CNTNAP2: variants seen among roughly 807,000 people sequenced by gnomAD.
CNTNAP2 encodes contactin associated protein 2.
In CNTNAP2, 98 loss-of-function variants were observed where a neutral mutation model predicts 155.2. The ratio of observed to expected loss-of-function variants is 0.63; its 90% confidence interval spans 0.54 to 0.75. The LOEUF is 0.75. Ranked by LOEUF, CNTNAP2 falls within the 30% of genes least tolerant of loss-of-function variation. The pLI is 0.00. For synonymous variants in CNTNAP2, 651 were observed against 631.2 expected, an observed-to-expected ratio of 1.03 and a Z score of -0.47; for missense variants, 1,727 against 1,688.1, an observed-to-expected ratio of 1.02 and a Z score of -0.40.
intron 4 of CNTNAP2, chr7:147,080,937 A>G (rs552894304): frequency 6.6e-6 from 1 of 152,146 alleles, no homozygotes; most frequent in East Asian, 1.9e-4. Flanking sequence ...TGTAAAATTC[A>G]CACATAATAT....
chr7:147,560,168 CAAAAA>C lies in CNTNAP2; in HGVS notation c.1778-1951_1778-1947del, dbSNP rs71183016. Among the ~76,000 whole-genome samples, 24 of 52,822 alleles carry C rather than the reference CAAAAA, an allele frequency of 4.5e-4. 2 individuals carry two copies. The East Asian group carries it at 0.012, about 25-fold the overall frequency. 34.7% of individuals were successfully genotyped at this position (52,822 alleles called of 152,430 possible). On this transcript the variant is annotated intron_variant, in intron 11 of 23. Transcript: ENST00000361727. ...GGGCAACAAGAACGAAACTCCGTCT[CAAAAA>C]AAAAAAAAAAAAAAAAAATTGAATC...
intron 3 of CNTNAP2, among the ~76,000 whole-genome samples, chr7:146,965,955 G>A (rs781250526): frequency 6.6e-6 from 1 of 152,150 alleles, no homozygotes; most frequent in South Asian, 2.1e-4. Context: ...TTGTTCAGAG[G>A]TAACCCTTGG....
intron 4 of CNTNAP2, among the ~76,000 whole-genome samples, chr7:147,048,930 A>G (rs1247238676): frequency 2.0e-5 from 3 of 152,212 alleles, no homozygotes; most frequent in Non-Finnish European, 4.4e-5. Flanking sequence ...TCAATAATGT[A>G]ATAACCAGTC....
At chr7:148,120,752 C>T (rs925047069) in intron 16 of CNTNAP2, among the ~76,000 whole-genome samples, 19 of 152,096 alleles carry the variant, frequency 1.2e-4, no homozygotes, top group African/African-American at 4.3e-4. Flanking sequence ...GACCCAGATT[C>T]GAGCCTCTAA....
rs145259113 is a variant in CNTNAP2, at chr7:147,506,779, T to C, written c.1777+20738T>C. Among the ~76,000 whole-genome samples the C allele has an allele frequency of 6.5e-3, 996 of 152,328 alleles. 5 individuals are homozygous for C. Among genetic ancestry groups the C allele is most frequent in the South Asian group, 0.014 (67 of 4,826 alleles). ...ACTGTCTGGTTTTCCACACTAGCTATAACAAAAACACACTTGTTAGACCAA... is the reference window on the plus strand; with the variant it reads ...ACTGTCTGGTTTTCCACACTAGCTACAACAAAAACACACTTGTTAGACCAA... On this transcript the variant is annotated intron_variant, in intron 11 of 23. Transcript: ENST00000361727.
intron 21 of CNTNAP2, among the ~76,000 whole-genome samples, chr7:148,347,675 A>G (rs1276016591): frequency 6.6e-6 from 1 of 152,254 alleles, no homozygotes; most frequent in Non-Finnish European, 1.5e-5. Flanking sequence ...AACACATATC[A>G]GAAATAAGAG....
intron 1 of CNTNAP2, among the ~76,000 whole-genome samples, chr7:146,317,800 C>T (rs1486604897): frequency 1.3e-5 from 2 of 152,182 alleles, no homozygotes. Context: ...ACAGTTAACT[C>T]AATCAAAGCA....
chr7:146,971,939 C>T (rs1292534478), intron 3 of CNTNAP2, among the ~76,000 whole-genome samples: 5 of 152,162 alleles, frequency 3.3e-5, no homozygotes, highest in Non-Finnish European at 5.9e-5. Context: ...GCATCTACTT[C>T]GATGCTATAG....
At chr7:147,543,724 C>A (rs1302797649) in intron 11 of CNTNAP2, among the ~76,000 whole-genome samples, 2 of 152,118 alleles carry the variant, frequency 1.3e-5, no homozygotes, top group Admixed American at 1.3e-4. Context: ...TGAAGCTTAA[C>A]CCTCACTGTT....
chr7:147,072,056 T>C (rs976771103), intron 4 of CNTNAP2, among the ~76,000 whole-genome samples: 1 of 152,034 alleles, frequency 6.6e-6, no homozygotes, highest in Admixed American at 6.6e-5. Flanking sequence ...CTCAAGGTAA[T>C]AGAAGCCAAC....
intron 14 of CNTNAP2, among the ~76,000 whole-genome samples, chr7:147,951,184 G>A (rs1585045168): frequency 6.6e-6 from 1 of 152,336 alleles, no homozygotes; most frequent in Middle Eastern, 3.4e-3. Flanking sequence ...GTATTTGGGA[G>A]CCTGGAAGAC....
intron 13 of CNTNAP2, among the ~76,000 whole-genome samples, chr7:147,809,828 C>A (rs184420323): frequency 1.1e-3 from 173 of 152,292 alleles, no homozygotes; most frequent in African/African-American, 3.9e-3. Context: ...TTACTTGAAA[C>A]GTATGTTAGA....
chr7:147,875,682 A>G (rs920645118), intron 13 of CNTNAP2, among the ~76,000 whole-genome samples: 1 of 152,204 alleles, frequency 6.6e-6, no homozygotes, highest in African/African-American at 2.4e-5. Context: ...CCTTGAGCCC[A>G]TGAGTTCAAG....
chr7:147,839,140 G>A (rs151291972), intron 13 of CNTNAP2, among the ~76,000 whole-genome samples: 93 of 152,184 alleles, frequency 6.1e-4, no homozygotes, highest in African/African-American at 2.2e-3. Flanking sequence ...GTCTTTCCAC[G>A]TTCTTCTGCC....
intron 9 of CNTNAP2, among the ~76,000 whole-genome samples, chr7:147,303,466 C>T (rs929501259): frequency 3.9e-5 from 6 of 152,168 alleles, no homozygotes; most frequent in Admixed American, 2.0e-4. Context: ...GCCTCTGGAT[C>T]GCAACTTTAA....
intron 1 of CNTNAP2, among the ~76,000 whole-genome samples, chr7:146,329,718 C>A (rs2129094274): frequency 6.6e-6 from 1 of 152,234 alleles, no homozygotes; most frequent in South Asian, 2.1e-4. Flanking sequence ...CCAGCCTTTT[C>A]TTTTAACACA....
intron 5 of CNTNAP2, among the ~76,000 whole-genome samples, chr7:147,112,764 C>G (rs1800906400): frequency 6.6e-6 from 1 of 152,070 alleles, no homozygotes; most frequent in South Asian, 2.1e-4. Flanking sequence ...CTGCTGGATT[C>G]AGTTTGCCAT....
intron 13 of CNTNAP2, among the ~76,000 whole-genome samples, chr7:147,759,441 T>C (rs533422165): frequency 6.6e-6 from 1 of 152,328 alleles, no homozygotes; most frequent in East Asian, 1.9e-4. Context: ...GGAGGAAATA[T>C]TGCATTGACT....
At chr7:147,497,525 C>A (rs1183364830) in intron 11 of CNTNAP2, among the ~76,000 whole-genome samples, 1 of 152,156 alleles carries the variant, frequency 6.6e-6, no homozygotes, top group Non-Finnish European at 1.5e-5. Flanking sequence ...GCCAAGTGAG[C>A]CCATCCAACT....
Sources: gnomAD v4.1 joint callset for allele counts (sites outside exome capture counted in the v4.1 genomes callset) on GRCh38, gnomAD v4.1.1 for gene constraint, MANE v1.5 for transcripts, NCBI Gene and HGNC (gene_info 2026-07-23, HGNC 2026-07-21) for gene names.